Variants in TUB observed in about 807,000 individuals in gnomAD.
The protein encoded by TUB is TUB bipartite transcription factor.
Under a neutral mutation model 59.7 loss-of-function variants are expected in TUB, and 33 were observed. That is an observed-to-expected ratio of 0.55 (90% CI 0.42 to 0.74). The LOEUF (loss-of-function observed/expected upper bound fraction) is 0.74, where lower values mean the gene tolerates loss of function less well. Among genes scored for constraint, TUB ranks in the 30% least tolerant of loss-of-function variants. The probability of loss-of-function intolerance (pLI) is 0.00; values close to 1 mark genes in which losing one functional copy is unlikely to be tolerated. For synonymous variants in TUB, 293 were observed against 256.4 expected (o/e 1.14, Z -1.36); for missense variants, 659 against 672.0 (o/e 0.98, Z 0.21).
At chr11:8,095,432 C>T (rs1023114710) in intron 4 of TUB, 66 bp from the exon 5 acceptor site, 35 of 1,515,378 alleles carry the variant, frequency 2.3e-5, no homozygotes, top group Middle Eastern at 2.5e-4. Flanking sequence ...CCTTCATGGA[C>T]GTCTGAGAAT....
intron 1 of TUB, among the ~76,000 whole-genome samples, chr11:8,027,845 G>A (rs1187899811): frequency 6.6e-6 from 1 of 152,152 alleles, no homozygotes; most frequent in Non-Finnish European, 1.5e-5. Flanking sequence ...ATCTGTTGAT[G>A]GACACTTGGA....
intron 1 of TUB, among the ~76,000 whole-genome samples, chr11:8,029,376 T>TTTTC: frequency 7.2e-5 from 10 of 138,254 alleles, no homozygotes; most frequent in African/African-American, 2.6e-4. Context: ...GTTCTTTTCT[T>TTTTC]TTTCTTTCTT....
chr11:8,077,278 A>T (rs1943465714), upstream of TUB: 1 of 152,224 alleles, frequency 6.6e-6, no homozygotes, highest in Non-Finnish European at 1.5e-5. Context: ...CAGAGTCTAT[A>T]GGATATTTCC....
At position 8,100,578 on chromosome 11, in the gene TUB, A is replaced by G. The variant is rs1326239339; in HGVS notation, c.1192A>G (p.Arg398Gly). 1 of 1,614,092 alleles carries G rather than the reference A, an allele frequency of 6.2e-7. No individual in the cohort carries two copies. Among genetic ancestry groups the G allele is most frequent in the Non-Finnish European group, 8.5e-7 (1 of 1,179,986 alleles). Residue 398 changes from arginine (R) to glycine (G), a missense_variant, in exon 10 of 12, where the codon AGA becomes GGA. Arg to Gly is a moderately radical substitution (Grantham distance 125). Coordinates refer to ENST00000299506, the MANE Select transcript of TUB (RefSeq NM_177972.3). ...IVPGMNMVHE[R>G]VSIRPRNEHE... Reference sequence around the variant, plus strand: ...CCCAGGCATGAACATGGTTCATGAGAGAGTCTCTATCCGCCCCCGCAACGT... The same window carrying G: ...CCCAGGCATGAACATGGTTCATGAGGGAGTCTCTATCCGCCCCCGCAACGT...
chr11:8,058,744 G>C (rs11041727), intron 2 of TUB, among the ~76,000 whole-genome samples: 8 of 152,208 alleles, frequency 5.3e-5, no homozygotes, highest in African/African-American at 1.9e-4. Flanking sequence ...ATATCAAGCA[G>C]CATTAAGCTG....
chr11:8,034,184 C>T (rs1942615603), upstream of TUB, among the ~76,000 whole-genome samples: 1 of 152,150 alleles, frequency 6.6e-6, no homozygotes, highest in Admixed American at 6.5e-5. Context: ...TGGAGGGCTG[C>T]ACCTGTGTTT....
chr11:8,089,679 C>A lies in TUB; in HGVS notation c.90+18C>A, dbSNP rs750289072. 3 of 1,613,914 alleles carry A rather than the reference C, an allele frequency of 1.9e-6. No individual in the cohort carries two copies. The highest frequency in any genetic ancestry group is 1.1e-5 in the South Asian group (1 of 91,064). Reference sequence around the variant, plus strand: ...ATCGGCAGGTGAGTAGGCCTGGGGCCGGGTAGAAGGGAAGAGTCTGGGCTG... The same window carrying A: ...ATCGGCAGGTGAGTAGGCCTGGGGCAGGGTAGAAGGGAAGAGTCTGGGCTG... On this transcript the variant is annotated intron_variant, in intron 2 of 11. Coordinates refer to ENST00000299506, the MANE Select transcript of TUB (RefSeq NM_177972.3).
exon 1 of TUB, chr11:8,019,278 G>T (rs1018109640): frequency 8.0e-7 from 1 of 1,257,660 alleles, no homozygotes; most frequent in East Asian, 3.1e-5. Flanking sequence ...CGCCCGCGGA[G>T]CCCCGAGCGG....
chr11:8,056,875 C>T (rs74052195), intron 2 of TUB, among the ~76,000 whole-genome samples: 24,418 of 151,912 alleles, frequency 0.16, 2,179 homozygotes, highest in African/African-American at 0.21. Context: ...GTGATGGGAA[C>T]GAACTACAGT....
At chr11:8,082,199 T>C (rs1367850672) in intron 1 of TUB, among the ~76,000 whole-genome samples, 1 of 152,114 alleles carries the variant, frequency 6.6e-6, no homozygotes, top group Non-Finnish European at 1.5e-5. Flanking sequence ...ATCTACTTGC[T>C]AGCAGGTCTA....
At chr11:8,034,963 G>C (rs1047114635), upstream of TUB, among the ~76,000 whole-genome samples, 1 of 152,162 alleles carries the variant, frequency 6.6e-6, no homozygotes, top group African/African-American at 2.4e-5. Flanking sequence ...ATCTGTGAAG[G>C]GGACAGATGG....
At chr11:8,073,310 A>G (rs992402740) in intron 2 of TUB, among the ~76,000 whole-genome samples, 7 of 152,118 alleles carry the variant, frequency 4.6e-5, no homozygotes, top group Non-Finnish European at 1.0e-4. Context: ...GGGAGTAATA[A>G]ATTTTCAAAG....
chr11:8,066,116 G>T (rs534007753), intron 2 of TUB, among the ~76,000 whole-genome samples: 3 of 152,260 alleles, frequency 2.0e-5, no homozygotes, highest in South Asian at 4.1e-4. Context: ...GGGGGAGGCT[G>T]CCCTGAGGCT....
At chr11:8,035,098 T>C (rs1308272120), upstream of TUB, among the ~76,000 whole-genome samples, 1 of 152,192 alleles carries the variant, frequency 6.6e-6, no homozygotes, top group Non-Finnish European at 1.5e-5. Context: ...AGAAAGACAT[T>C]GACCTCAAGT....
At chr11:8,063,232 C>T (rs983552419) in intron 2 of TUB, among the ~76,000 whole-genome samples, 1 of 152,200 alleles carries the variant, frequency 6.6e-6, no homozygotes, top group Non-Finnish European at 1.5e-5. Context: ...GATGAGCGCA[C>T]ACAAGGACAG....
chr11:8,062,081 A>C (rs945354851), intron 2 of TUB: 1 of 151,672 alleles, frequency 6.6e-6, no homozygotes, highest in Non-Finnish European at 1.5e-5. Flanking sequence ...AGGCTGGGGG[A>C]CTCAAGCGCC....
chr11:8,088,865 T>A (rs1394879647), intron 1 of TUB, among the ~76,000 whole-genome samples: 1 of 152,124 alleles, frequency 6.6e-6, no homozygotes, highest in African/African-American at 2.4e-5. Context: ...GAATTTGATG[T>A]CCCCAGGGCT....
At chr11:8,058,847 TC>T (rs56990218) in intron 2 of TUB, among the ~76,000 whole-genome samples, 8,839 of 152,334 alleles carry the variant, frequency 0.058, 411 homozygotes, top group East Asian at 0.23. Context: ...GGGACAGTCA[TC>T]TGGCTATATG....
chr11:8,044,237 T>C (rs1942795170), intron 2 of TUB, among the ~76,000 whole-genome samples: 1 of 152,192 alleles, frequency 6.6e-6, no homozygotes, highest in Non-Finnish European at 1.5e-5. Flanking sequence ...TTCCAGAGTT[T>C]TTCATTTTTC....
Sources: allele counts gnomAD v4.1 joint callset (sites outside exome capture counted in the v4.1 genomes callset), GRCh38; gene constraint gnomAD v4.1.1; transcripts MANE v1.5; gene names NCBI Gene and HGNC (gene_info 2026-07-23, HGNC 2026-07-21).